The following BRINP1 variants were observed in gnomAD, a reference collection of about 807,000 sequenced individuals.
BRINP1 encodes BMP/retinoic acid inducible neural specific 1, also known as BMP/retinoic acid-inducible neural-specific protein 1.
A neutral mutation model predicts 72.9 loss-of-function variants in BRINP1; 17 were observed. The ratio of observed to expected loss-of-function variants is 0.23; its 90% CI spans 0.16 to 0.35. The LOEUF is 0.35. BRINP1 is among the 10% of genes least tolerant of loss of function. The pLI is 1.00. For synonymous variants in BRINP1, 418 were observed against 378.5 expected (o/e 1.10, Z -1.21); for missense variants, 850 against 1,001.6 (o/e 0.85, Z 2.04).
At chr9:119,259,843 G>C (rs1261388045) in intron 2 of BRINP1, among the ~76,000 whole-genome samples, 1 of 152,144 alleles carries the variant, frequency 6.6e-6, no homozygotes, top group Non-Finnish European at 1.5e-5. Flanking sequence ...TCGCACACCA[G>C]GTCTCTGCTT....
chr9:119,343,851 A>C (rs1470447918), intron 1 of BRINP1, among the ~76,000 whole-genome samples: 2 of 152,200 alleles, frequency 1.3e-5, no homozygotes, highest in East Asian at 3.9e-4. Context: ...ATGATTGTTC[A>C]GACCTCCACG....
rs550211345 is a variant in BRINP1 at position 119,253,213 on chromosome 9, A to C, written c.219-4063T>G. ...ATAATGTACAATATGGAGGTTCCTC[A>C]AAAAACTAAAAATAGGACTACCATA... On this transcript the variant is annotated intron_variant, in intron 2 of 7. Transcript: ENST00000265922. 2.6e-5 allele frequency among the ~76,000 whole-genome samples: 4 copies of C among 152,324 alleles called. No homozygotes were observed. The East Asian group carries it at 7.7e-4, about 29-fold the overall frequency.
At chr9:119,267,033 A>T (rs539426243) in intron 2 of BRINP1, among the ~76,000 whole-genome samples, 1 of 152,360 alleles carries the variant, frequency 6.6e-6, no homozygotes, top group African/African-American at 2.4e-5. Context: ...GCAGTGATCC[A>T]GATAAAAGCA....
chr9:119,169,280 CGCGAGCTGAAGCAGG>C (rs1829368239), intron 7 of BRINP1, among the ~76,000 whole-genome samples: 1 of 152,206 alleles, frequency 6.6e-6, no homozygotes, highest in African/African-American at 2.4e-5. Flanking sequence ...ACGCACCGTG[CGCGAGCTGAAGCAGG>C]GCGAGGCATT....
At chr9:119,229,866 A>T (rs1040642981) in intron 5 of BRINP1, among the ~76,000 whole-genome samples, 1 of 152,110 alleles carries the variant, frequency 6.6e-6, no homozygotes, top group Non-Finnish European at 1.5e-5. Flanking sequence ...ACACAGTCGT[A>T]CAGCAACTAT....
chr9:119,293,900 C>A (rs1389519520), intron 2 of BRINP1, among the ~76,000 whole-genome samples: 1 of 152,084 alleles, frequency 6.6e-6, no homozygotes, highest in African/African-American at 2.4e-5. Context: ...GAAGTCTTAG[C>A]TGAGTAATTA....
chr9:119,286,904 T>C (rs971726432), intron 2 of BRINP1, among the ~76,000 whole-genome samples: 1 of 152,198 alleles, frequency 6.6e-6, no homozygotes, highest in Non-Finnish European at 1.5e-5. Context: ...AACTGCTAGA[T>C]AGACTTTAAA....
chr9:119,241,896 G>T, intron 4 of BRINP1, 151 bp downstream of exon 4: 1 of 759,136 alleles, frequency 1.3e-6, no homozygotes, highest in Non-Finnish European at 2.1e-6. Context: ...CAGGGTATGT[G>T]ACAATATCAG....
chr9:119,204,123 C>A (rs952032404), intron 7 of BRINP1, among the ~76,000 whole-genome samples: 9 of 152,190 alleles, frequency 5.9e-5, no homozygotes, highest in Admixed American at 6.5e-5. Flanking sequence ...ACAGCCCCAG[C>A]TGAGCCCCCA....
chr9:119,358,014 T>G (rs1831586225), intron 1 of BRINP1, among the ~76,000 whole-genome samples: 1 of 152,220 alleles, frequency 6.6e-6, no homozygotes, highest in South Asian at 2.1e-4. Flanking sequence ...ATGCTCTCAC[T>G]TATTGTATAT....
Position 119,249,135 on chromosome 9 carries a change from C to T in BRINP1, c.234G>A (p.Trp78Ter). The T allele has an allele frequency of 6.2e-7, 1 of 1,613,540 alleles. No homozygotes were observed. Among genetic ancestry groups the T allele is most frequent in the Non-Finnish European group, 8.5e-7 (1 of 1,179,848 alleles). The change falls in exon 3 of 8, where the codon TGG (tryptophan) becomes TGA (stop). Residue 78 changes from tryptophan to a stop codon, truncating the protein, a stop_gained. Coordinates refer to ENST00000265922, the MANE Select transcript of BRINP1 (RefSeq NM_014618.3). LOFTEE classifies it high-confidence loss of function. ...RYKIYREFAR[W>*]KVRNTAIERR... ...TCTCGATGGCTGTGTTCCTCACCTT[C>T]CAACGGGCAAACTCCCTGGGCAGGA... is the stretch of plus-strand genomic sequence containing the variant.
intron 1 of BRINP1, among the ~76,000 whole-genome samples, chr9:119,346,265 T>C (rs1048115976): frequency 2.0e-5 from 3 of 152,226 alleles, no homozygotes; most frequent in Admixed American, 6.5e-5. Flanking sequence ...TAGTAGTCTG[T>C]ACTCAAATGT....
At chr9:119,268,865 A>G (rs1462229807) in intron 2 of BRINP1, among the ~76,000 whole-genome samples, 6 of 152,212 alleles carry the variant, frequency 3.9e-5, no homozygotes, top group African/African-American at 1.2e-4. Flanking sequence ...ATCCAACAAG[A>G]CCAAAATACT....
At chr9:119,363,749 G>A (rs1226463131) in intron 1 of BRINP1, among the ~76,000 whole-genome samples, 5 of 152,136 alleles carry the variant, frequency 3.3e-5, no homozygotes, top group Non-Finnish European at 2.9e-5. Context: ...GAGTAGCCAT[G>A]AGCCACATAT....
chr9:119,242,822 T>G (rs1830268402), intron 3 of BRINP1, among the ~76,000 whole-genome samples: 1 of 152,182 alleles, frequency 6.6e-6, no homozygotes, highest in African/African-American at 2.4e-5. Flanking sequence ...TTCTTTTAAG[T>G]TTTTCTTAGA....
intron 7 of BRINP1, among the ~76,000 whole-genome samples, chr9:119,169,570 G>C (rs1425336968): frequency 6.6e-6 from 1 of 152,254 alleles, no homozygotes. Context: ...GCCCGCCATT[G>C]CCCAGGCTTG....
At chr9:119,347,172 C>G (rs1831460443) in intron 1 of BRINP1, among the ~76,000 whole-genome samples, 1 of 152,242 alleles carries the variant, frequency 6.6e-6, no homozygotes, top group East Asian at 1.9e-4. Context: ...TTTTTTTACC[C>G]TCAAGAATAA....
chr9:119,348,752 T>C (rs949408222), intron 1 of BRINP1, among the ~76,000 whole-genome samples: 4 of 152,322 alleles, frequency 2.6e-5, no homozygotes, highest in African/African-American at 9.6e-5. Context: ...GTCATATGTG[T>C]GGGCTTTTGG....
intron 7 of BRINP1, among the ~76,000 whole-genome samples, chr9:119,175,358 CTG>C (rs1829474386): frequency 6.6e-6 from 1 of 151,598 alleles, no homozygotes; most frequent in Non-Finnish European, 1.5e-5. Flanking sequence ...ACACTACACA[CTG>C]GGGTTTGTCA....
Sources: gnomAD v4.1 joint callset for allele counts (sites outside exome capture counted in the v4.1 genomes callset) on GRCh38, gnomAD v4.1.1 for gene constraint, MANE v1.5 for transcripts, NCBI Gene and HGNC (gene_info 2026-07-23, HGNC 2026-07-21) for gene names.